The following GABRG3 variants were observed in gnomAD, a reference collection of about 807,000 sequenced individuals.
GABRG3 encodes the protein gamma-aminobutyric acid type A receptor subunit gamma3.
Under a neutral mutation model 48.8 loss-of-function variants are expected in GABRG3, and 25 were observed. The ratio of observed to expected loss-of-function variants is 0.51; its 90% CI spans 0.37 to 0.72. GABRG3 has a LOEUF of 0.72. GABRG3 is among the 30% of genes least tolerant of loss of function. GABRG3 has a pLI of 0.00. For synonymous variants in GABRG3, 227 were observed against 217.6 expected (o/e 1.04, Z -0.38); for missense variants, 394 against 577.9 (o/e 0.68, Z 3.26).
chr15:27,530,720 T>C, intron 9 of GABRG3: 1 of 471,078 alleles, frequency 2.1e-6, no homozygotes, highest in Non-Finnish European at 4.4e-6. Context: ...TAAGTCAGAA[T>C]CTTCCTGTGT....
At chr15:27,152,174 GGTTA>G (rs754455226) in intron 3 of GABRG3, among the ~76,000 whole-genome samples, 69 of 152,188 alleles carry the variant, frequency 4.5e-4, no homozygotes, top group Admixed American at 7.9e-4. Flanking sequence ...TATAGGTCAA[GGTTA>G]GTTAATCTTT....
chr15:27,217,529 C>T (rs1337847510), intron 3 of GABRG3, among the ~76,000 whole-genome samples: 6 of 152,142 alleles, frequency 3.9e-5, no homozygotes, highest in African/African-American at 1.2e-4. Context: ...GGGATCTGCC[C>T]CAGGTTCTAG....
intron 6 of GABRG3, among the ~76,000 whole-genome samples, chr15:27,510,829 C>T (rs7176200): frequency 0.053 from 8,120 of 152,168 alleles, 750 homozygotes; most frequent in African/African-American, 0.19. Flanking sequence ...AACAGGATTA[C>T]GGGCATGAAG....
At chr15:27,324,383 C>A (rs1356150077) in intron 3 of GABRG3, among the ~76,000 whole-genome samples, 1 of 152,182 alleles carries the variant, frequency 6.6e-6, no homozygotes, top group Admixed American at 6.5e-5. Flanking sequence ...CTGGGCAGAT[C>A]CTGATGGGCT....
Position 27,461,851 on chromosome 15 carries a change from G to T in GABRG3, c.575-18799G>T, listed in dbSNP as rs539003417. Among the ~76,000 whole-genome samples the T allele has an allele frequency of 7.2e-5, 11 of 152,182 alleles. No homozygotes were observed. The East Asian group carries it at 2.1e-3, about 29-fold the overall frequency. On this transcript the variant is annotated intron_variant, in intron 5 of 9. Coordinates refer to ENST00000615808, the MANE Select transcript of GABRG3 (RefSeq NM_033223.5). The stretch of plus-strand genomic sequence containing the variant: ...ATACTAGAGCCAAAAACAGTGTAGA[G>T]AGACTTCTTTTTCACCACTTTTGTC...
intron 5 of GABRG3, among the ~76,000 whole-genome samples, chr15:27,450,044 G>C (rs1424191737): frequency 1.3e-5 from 2 of 152,090 alleles, no homozygotes. Context: ...AGAAAGCCTG[G>C]ATAAATGTTC....
intron 2 of GABRG3, among the ~76,000 whole-genome samples, chr15:27,012,298 T>G (rs1229160060): frequency 6.6e-6 from 1 of 152,212 alleles, no homozygotes; most frequent in Non-Finnish European, 1.5e-5. Context: ...TTTTTGTTAT[T>G]TATGCAATGT....
Position 27,238,128 on chromosome 15 carries a change from C to T in GABRG3, c.271-88681C>T, listed in dbSNP as rs1003889171. ...AGATTCTGTGTCTCGCAGACAGCAG[C>T]GGTGGCAGATTCTTGCTTCTTTTTT... On this transcript the variant is annotated intron_variant, in intron 3 of 9. Transcript: ENST00000615808. Among the ~76,000 whole-genome samples the T allele has an allele frequency of 4.7e-4, 47 of 100,286 alleles. No individual in the cohort carries two copies. In the East Asian group the frequency reaches 4.9e-3, roughly 10 times the overall value. The allele number at this position is 100,286 out of a possible 152,430, so 65.8% of individuals were successfully genotyped here.
chr15:27,138,060 A>G (rs1191721296), intron 3 of GABRG3, among the ~76,000 whole-genome samples: 3 of 152,210 alleles, frequency 2.0e-5, no homozygotes, highest in African/African-American at 7.2e-5. Flanking sequence ...TTATTTGTAA[A>G]TATTTTAAAG....
intron 3 of GABRG3, among the ~76,000 whole-genome samples, chr15:27,232,669 G>T (rs1889836072): frequency 6.6e-6 from 1 of 152,198 alleles, no homozygotes; most frequent in South Asian, 2.1e-4. Context: ...GGGGATAGGA[G>T]ACAACAAGGC....
rs1894936630 is a variant in GABRG3, at chr15:26,976,072, G to T, written c.54-930G>T. Among the ~76,000 whole-genome samples the T allele has an allele frequency of 6.6e-6, 1 of 151,864 alleles. No individual in the cohort carries two copies. The highest frequency in any genetic ancestry group is 2.4e-5 in the African/African-American group (1 of 41,304). On this transcript the variant is annotated intron_variant, in intron 1 of 9. Coordinates refer to ENST00000615808, the MANE Select transcript of GABRG3 (RefSeq NM_033223.5). This position sits in a 1 kb window ranked among gnomAD's most constrained non-coding sequence, Gnocchi z 7.8. ...AAACCAGCTTGTCAAGTACAAGTGT[G>T]TGCCAATTATAAACCAAACATTTTT...
At chr15:27,139,398 G>C (rs575987794) in intron 3 of GABRG3, among the ~76,000 whole-genome samples, 2 of 152,204 alleles carry the variant, frequency 1.3e-5, no homozygotes, top group African/African-American at 4.8e-5. Flanking sequence ...CTGCCTTTTT[G>C]TTCTATCTGG....
intron 3 of GABRG3, among the ~76,000 whole-genome samples, chr15:27,223,985 T>C (rs544995829): frequency 6.6e-6 from 1 of 152,340 alleles, no homozygotes; most frequent in East Asian, 1.9e-4. Flanking sequence ...AGTCCCTTTC[T>C]CCCACTGGAG....
chr15:27,300,250 T>G (rs560511148), intron 3 of GABRG3, among the ~76,000 whole-genome samples: 1 of 152,250 alleles, frequency 6.6e-6, no homozygotes, highest in African/African-American at 2.4e-5. Context: ...AATCCAAAAT[T>G]ACTTGGCATA....
chr15:27,171,863 C>G (rs1959182785), intron 3 of GABRG3, among the ~76,000 whole-genome samples: 1 of 152,096 alleles, frequency 6.6e-6, no homozygotes, highest in Admixed American at 6.6e-5. Flanking sequence ...AATATGCAGA[C>G]TGGGTAATTT....
At chr15:27,394,653 C>T (rs1435894383) in intron 5 of GABRG3, among the ~76,000 whole-genome samples, 1 of 152,164 alleles carries the variant, frequency 6.6e-6, no homozygotes, top group Non-Finnish European at 1.5e-5. Flanking sequence ...ATGATGGGTG[C>T]TCTCAGTTTT....
intron 3 of GABRG3, among the ~76,000 whole-genome samples, chr15:27,079,887 G>A (rs1428291759): frequency 6.6e-6 from 1 of 152,116 alleles, no homozygotes; most frequent in Non-Finnish European, 1.5e-5. Context: ...TCTCAGGTTT[G>A]CTTTTCTTTT....
chr15:27,200,048 TCTTC>T (rs571243787), intron 3 of GABRG3, among the ~76,000 whole-genome samples: 8 of 145,016 alleles, frequency 5.5e-5, no homozygotes, highest in African/African-American at 1.5e-4. Context: ...TCCCTTTCTC[TCTTC>T]CTTCTTTCCT....
intron 5 of GABRG3, among the ~76,000 whole-genome samples, chr15:27,407,251 T>A (rs1374060325): frequency 6.6e-6 from 1 of 152,054 alleles, no homozygotes; most frequent in East Asian, 1.9e-4. Flanking sequence ...ATTAAAAAAA[T>A]AATTGGCTGC....
Sources: allele counts gnomAD v4.1 joint callset (sites outside exome capture counted in the v4.1 genomes callset), GRCh38; gene constraint gnomAD v4.1.1; non-coding constraint Gnocchi (gnomAD v3.1); transcripts MANE v1.5; gene names NCBI Gene and HGNC (gene_info 2026-07-23, HGNC 2026-07-21).